PTPRZ1: variants seen among roughly 807,000 people sequenced by gnomAD.
The protein encoded by PTPRZ1 is receptor-type tyrosine-protein phosphatase zeta.
In PTPRZ1, 82 loss-of-function variants were observed where a neutral mutation model predicts 214.1. That is an observed-to-expected ratio of 0.38 (90% CI 0.32 to 0.46). The LOEUF is 0.46. Ranked by LOEUF, PTPRZ1 falls within the 20% of genes least tolerant of loss-of-function variation. PTPRZ1 has a pLI of 1.00. For missense variants in PTPRZ1, 2,603 were observed against 2,748.7 expected, an observed-to-expected ratio of 0.95 and a Z score of 1.19; for synonymous variants, 945 against 987.9, an observed-to-expected ratio of 0.96 and a Z score of 0.81.
chr7:122,007,862 G>A (rs535091252), intron 11 of PTPRZ1, among the ~76,000 whole-genome samples: 15 of 152,224 alleles, frequency 9.9e-5, no homozygotes, highest in African/African-American at 3.4e-4. Context: ...TTTGTAGTCA[G>A]ATATGAATAA....
chr7:121,933,615 A>C (rs991145959), intron 2 of PTPRZ1, among the ~76,000 whole-genome samples: 2 of 152,178 alleles, frequency 1.3e-5, no homozygotes, highest in African/African-American at 4.8e-5. Context: ...ATTTCTGTAA[A>C]TAGAATATCC....
intron 2 of PTPRZ1, among the ~76,000 whole-genome samples, chr7:121,956,532 A>C (rs1212163864): frequency 6.6e-6 from 1 of 152,236 alleles, no homozygotes; most frequent in African/African-American, 2.4e-5. Context: ...TCAGAAATGA[A>C]ATGAAAATGG....
At chr7:121,930,208 G>T (rs556169325) in intron 2 of PTPRZ1, among the ~76,000 whole-genome samples, 1 of 152,082 alleles carries the variant, frequency 6.6e-6, no homozygotes, top group South Asian at 2.1e-4. Flanking sequence ...GTATGAGGTA[G>T]ACCTCTGTAA....
intron 2 of PTPRZ1, among the ~76,000 whole-genome samples, chr7:121,937,611 T>G (rs1424835095): frequency 6.6e-6 from 1 of 152,098 alleles, no homozygotes; most frequent in Admixed American, 6.6e-5. Flanking sequence ...GTGCAGGCAT[T>G]CAGTCCAATT....
chr7:121,936,880 T>A (rs901936730), intron 2 of PTPRZ1, among the ~76,000 whole-genome samples: 3 of 152,148 alleles, frequency 2.0e-5, no homozygotes, highest in African/African-American at 7.2e-5. Context: ...GAAATTACAG[T>A]GGCAAACAGA....
At chr7:121,974,048 G>A (rs1284320036) in intron 4 of PTPRZ1, among the ~76,000 whole-genome samples, 1 of 147,480 alleles carries the variant, frequency 6.8e-6, no homozygotes, top group Non-Finnish European at 1.5e-5. Context: ...CTCCTTTCAA[G>A]TTCCCATGTT....
At chr7:121,943,485 G>A (rs532271963) in intron 2 of PTPRZ1, among the ~76,000 whole-genome samples, 4 of 152,040 alleles carry the variant, frequency 2.6e-5, no homozygotes, top group East Asian at 3.9e-4. Flanking sequence ...ACAGGTGCCC[G>A]CCACCATGCC....
rs147984224 is a variant in PTPRZ1 at position 122,011,496 on chromosome 7, C to T, written c.2450C>T (p.Ala817Val). Residue 817 changes from alanine to valine, a missense_variant, in exon 12 of 30, where the codon GCA becomes GTA. Ala to Val is a moderately conservative substitution (Grantham distance 64). Transcript: ENST00000393386. ...TCCATCCTGTCTTCCTATGATGGTG[C>T]ACCTTTGCTTCCATTTTCCTCTGCT... Reference protein sequence around the residue: ...FESILSSYDGAPLLPFSSASF... With the variant: ...FESILSSYDGVPLLPFSSASF... 4.0e-5 allele frequency: 64 copies of T among 1,613,738 alleles called. No individual in the cohort carries two copies. Among genetic ancestry groups the T allele is most frequent in the Middle Eastern group, 1.6e-4 (1 of 6,084 alleles).
intron 8 of PTPRZ1, among the ~76,000 whole-genome samples, chr7:121,989,358 A>G (rs1797870930): frequency 6.7e-6 from 1 of 148,968 alleles, no homozygotes; most frequent in South Asian, 2.1e-4. Context: ...GCATAGAAAT[A>G]CTGTGTTCCT....
At chr7:121,888,823 A>G (rs773146411) in intron 1 of PTPRZ1, among the ~76,000 whole-genome samples, 89 of 152,148 alleles carry the variant, frequency 5.8e-4, no homozygotes, top group Non-Finnish European at 1.1e-3. Flanking sequence ...TTGTTGAAAT[A>G]GTGATGTTTG....
intron 1 of PTPRZ1, among the ~76,000 whole-genome samples, chr7:121,901,196 C>G (rs917614497): frequency 6.6e-6 from 1 of 152,022 alleles, no homozygotes. Context: ...ATAAAAAGCC[C>G]CTTCCATAAT....
At chr7:121,996,039 A>T (rs1196408161) in intron 8 of PTPRZ1, among the ~76,000 whole-genome samples, 1 of 152,218 alleles carries the variant, frequency 6.6e-6, no homozygotes, top group Non-Finnish European at 1.5e-5. Context: ...CAGGAAAAAT[A>T]CAATACGAAA....
intron 1 of PTPRZ1, chr7:121,908,372 T>TTAAA: frequency 3.2e-6 from 1 of 313,188 alleles, no homozygotes; most frequent in Non-Finnish European, 6.1e-6. Context: ...TGGAAAAGAA[T>TTAAA]ATCAACTATA....
chr7:121,931,347 G>A (rs1052164270), intron 2 of PTPRZ1, among the ~76,000 whole-genome samples: 3 of 152,252 alleles, frequency 2.0e-5, no homozygotes, highest in Admixed American at 2.0e-4. Flanking sequence ...GAAACTAGAA[G>A]GAGGTTATTT....
chr7:122,005,802 T>C (rs924819775), intron 11 of PTPRZ1, among the ~76,000 whole-genome samples: 4 of 152,064 alleles, frequency 2.6e-5, no homozygotes, highest in African/African-American at 9.7e-5. Flanking sequence ...TGATATTCTG[T>C]TTAAGTTCTG....
chr7:122,060,432 C>T (rs1792534199), intron 29 of PTPRZ1, among the ~76,000 whole-genome samples: 2 of 152,176 alleles, frequency 1.3e-5, no homozygotes, highest in African/African-American at 4.8e-5. Flanking sequence ...ATGCTGCTCA[C>T]TGGTTCAGGT....
At chr7:122,041,072 G>A in intron 21 of PTPRZ1, 93 bp downstream of exon 21, 1 of 1,175,394 alleles carries the variant, frequency 8.5e-7, no homozygotes, top group Non-Finnish European at 1.1e-6. Flanking sequence ...AAATGGGAAT[G>A]ATTTCTTGAA....
In PTPRZ1 at chr7:121,996,538, A is replaced by C; in HGVS notation, c.1085A>C (p.Glu362Ala). 6.2e-7 allele frequency: 1 copy of C among 1,611,756 alleles called. No individual in the cohort carries two copies. Among genetic ancestry groups the C allele is most frequent in the South Asian group, 1.1e-5 (1 of 90,560 alleles). The change falls in exon 9 of 30, where the codon GAA (glutamate) becomes GCA (alanine). Residue 362 changes from glutamate to alanine, a missense_variant. Glu to Ala is a moderately radical substitution (Grantham distance 107). Around this residue, in one of 6 missense-constraint regions of PTPRZ1, gnomAD observed 244 missense variants for 333.2 expected, o/e 0.73. Coordinates refer to ENST00000393386, the MANE Select transcript of PTPRZ1 (RefSeq NM_002851.3). ...GATGGAGAGGACCAAACCAAGCATG[A>C]ATTTTTGACAGATGGCTATCAAGAC... is the stretch of plus-strand genomic sequence containing the variant. ...QLDGEDQTKHEFLTDGYQDLG... is the reference protein window; with the variant it reads ...QLDGEDQTKHAFLTDGYQDLG...
At chr7:122,033,703 A>T (rs534376254) in intron 15 of PTPRZ1, among the ~76,000 whole-genome samples, 1 of 152,098 alleles carries the variant, frequency 6.6e-6, no homozygotes, top group African/African-American at 2.4e-5. Context: ...AAAACAAAAA[A>T]GCACATCACT....
Sources: allele counts gnomAD v4.1 joint callset (sites outside exome capture counted in the v4.1 genomes callset), GRCh38; gene constraint gnomAD v4.1.1; regional missense constraint gnomAD v4.1.1; transcripts MANE v1.5; gene names NCBI Gene and HGNC (gene_info 2026-07-23, HGNC 2026-07-21).